The following ANKRD27 variants were observed in gnomAD, a reference collection of about 807,000 sequenced individuals.
The protein encoded by ANKRD27 is ankyrin repeat domain 27, also known as ankyrin repeat domain-containing protein 27.
In ANKRD27, 112 loss-of-function variants were observed where a neutral mutation model predicts 129.7. That is an observed-to-expected ratio of 0.86 (90% CI 0.74 to 1.01). ANKRD27 has a LOEUF of 1.01. ANKRD27 is among the 50% of genes least tolerant of loss of function. ANKRD27 has a pLI of 0.00. For missense variants in ANKRD27, 1,258 were observed against 1,300.5 expected (o/e 0.97, Z 0.50); for synonymous variants, 516 against 511.2 (o/e 1.01, Z -0.13).
chr19:32,637,244 G>C (rs1200095115), intron 12 of ANKRD27: 3 of 152,108 alleles, frequency 2.0e-5, no homozygotes, highest in Admixed American at 6.5e-5. Context: ...TGACAAAGAT[G>C]AATGTTCAAT....
chr19:32,663,803 T>C (rs1301202265), intron 1 of ANKRD27, among the ~76,000 whole-genome samples: 1 of 152,106 alleles, frequency 6.6e-6, no homozygotes, highest in Non-Finnish European at 1.5e-5. Flanking sequence ...ACGCCTGTAA[T>C]CCCAGCACTT....
chr19:32,652,778 A>T (rs914530365), intron 2 of ANKRD27, among the ~76,000 whole-genome samples: 5 of 151,996 alleles, frequency 3.3e-5, no homozygotes, highest in African/African-American at 1.2e-4. Context: ...AAATACAAAA[A>T]TTAGCCAGGC....
chr19:32,649,481 G>C (rs1056518203), intron 3 of ANKRD27, among the ~76,000 whole-genome samples: 6 of 152,114 alleles, frequency 3.9e-5, no homozygotes, highest in Admixed American at 3.9e-4. Context: ...CAAGACAGCA[G>C]CTGGGGTCCA....
chr19:32,612,428 G>A (rs1159262872), intron 22 of ANKRD27, among the ~76,000 whole-genome samples: 1 of 152,214 alleles, frequency 6.6e-6, no homozygotes, highest in Non-Finnish European at 1.5e-5. Flanking sequence ...GAGTGAGTAA[G>A]TTAGTAAGTA....
chr19:32,659,028 T>G lies in ANKRD27; in HGVS notation c.-13A>C, dbSNP rs757534749. The G allele has an allele frequency of 6.3e-7, 1 of 1,593,706 alleles. No individual in the cohort carries two copies. The highest frequency in any genetic ancestry group is 8.6e-7 in the Non-Finnish European group (1 of 1,161,548). ...CATACAGAGCCATATGGACTTCAGA[T>G]GGGTCAGAGCAAATCTCCTGCAATA... is the stretch of plus-strand genomic sequence containing the variant. On this transcript the variant is annotated 5_prime_UTR_variant, in exon 2 of 29. Coordinates refer to ENST00000306065, the MANE Select transcript of ANKRD27 (RefSeq NM_032139.3).
intron 24 of ANKRD27, 107 bp downstream of exon 24, chr19:32,605,728 T>C: frequency 6.8e-7 from 1 of 1,466,900 alleles, no homozygotes; most frequent in Non-Finnish European, 9.3e-7. Context: ...CTGGGGTTGA[T>C]GGGTGGCCGG....
In ANKRD27 at chr19:32,639,367, CAG is replaced by C. The variant is rs953453650; in HGVS notation, c.1103_1104del (p.Ser368CysfsTer2). The C allele has an allele frequency of 1.2e-6, 2 of 1,614,198 alleles. No individual in the cohort carries two copies. Among genetic ancestry groups the C allele is most frequent in the African/African-American group, 1.3e-5 (1 of 75,058 alleles). Reference protein sequence around the residue: ...AIEYIRQGSLSAKPPESEGFG... With the variant: ...AIEYIRQGSLXAKPPESEGFG... ...GGGTGAGATCTTACAGGGGGTTTAG[CAG>C]AGAGGCTTCCTTGCCGAATATATTC... is the stretch of plus-strand genomic sequence containing the variant. On this transcript the variant is annotated frameshift_variant, in exon 12 of 29. Coordinates refer to ENST00000306065, the MANE Select transcript of ANKRD27 (RefSeq NM_032139.3). LOFTEE classifies it high-confidence loss of function.
chr19:32,665,390 AG>A (rs1414462052), intron 1 of ANKRD27, among the ~76,000 whole-genome samples: 1 of 151,634 alleles, frequency 6.6e-6, no homozygotes, highest in Non-Finnish European at 1.5e-5. Context: ...CCCGGGTTCA[AG>A]CAATTCTCCT....
rs186259322 is a variant in ANKRD27, at chr19:32,622,302, T to G, written c.1827+120A>C. The G allele has an allele frequency of 7.1e-5, 75 of 1,052,012 alleles. No homozygotes were observed. In the East Asian group the frequency reaches 8.8e-4, roughly 12 times the overall value. The allele number at this position is 1,052,012 out of a possible 1,614,324, so 65.2% of individuals were successfully genotyped here. ...GACGTCCCACATGCGGCAGAAAGGG[T>G]GCAAGCCAAGTTCTGCCCTCAGGCA... On this transcript the variant is annotated intron_variant, in intron 18 of 28. Transcript: ENST00000306065.
rs567366972 is a variant in ANKRD27 at position 32,614,108 on chromosome 19, G to GTCC, written c.2175+1549_2175+1550insGGA. On this transcript the variant is annotated intron_variant, in intron 22 of 28. Transcript: ENST00000306065. ...GGCAGGGAGAGAGGTGGGTGTGGCT[G>GTCC]TAAGAGGGCAGTTTGAATGATTGGT... Among the ~76,000 whole-genome samples the GTCC allele has an allele frequency of 1.6e-3, 249 of 152,184 alleles. 2 individuals carry two copies. Among genetic ancestry groups the GTCC allele is most frequent in the Admixed American group, 0.015 (228 of 15,262 alleles).
At chr19:32,645,867 C>A (rs1179039841) in intron 4 of ANKRD27, among the ~76,000 whole-genome samples, 1 of 151,980 alleles carries the variant, frequency 6.6e-6, no homozygotes, top group Non-Finnish European at 1.5e-5. Context: ...AACTCCTGAC[C>A]TCAGGTAATC....
intron 18 of ANKRD27, 34 bp downstream of exon 18, chr19:32,622,388 A>C: frequency 1.2e-6 from 2 of 1,607,530 alleles, no homozygotes; most frequent in Non-Finnish European, 1.7e-6. Flanking sequence ...CTTCTTTCGA[A>C]GTCATCTTGC....
intron 12 of ANKRD27, among the ~76,000 whole-genome samples, chr19:32,633,043 C>T (rs1189601688): frequency 6.6e-6 from 1 of 152,200 alleles, no homozygotes; most frequent in Admixed American, 6.6e-5. Context: ...CAATTCACAG[C>T]TGAGGAGCTT....
chr19:32,658,126 C>T (rs1015700853), intron 2 of ANKRD27, among the ~76,000 whole-genome samples: 3 of 152,138 alleles, frequency 2.0e-5, no homozygotes, highest in East Asian at 3.8e-4. Context: ...AGTCGCCCCA[C>T]GGGATAAGAG....
At chr19:32,626,083 A>T in intron 16 of ANKRD27, 117 bp from the exon 17 acceptor site, 1 of 706,160 alleles carries the variant, frequency 1.4e-6, no homozygotes, top group South Asian at 2.3e-5. Context: ...TTATGCTACT[A>T]TTCAAATTAA....
intron 22 of ANKRD27, among the ~76,000 whole-genome samples, chr19:32,611,650 C>T (rs1034363472): frequency 3.3e-5 from 5 of 152,174 alleles, no homozygotes; most frequent in Admixed American, 2.0e-4. Flanking sequence ...GGCACGATCT[C>T]GGCTCACCGC....
intron 17 of ANKRD27, among the ~76,000 whole-genome samples, chr19:32,623,530 G>C (rs1020844058): frequency 6.6e-6 from 1 of 151,120 alleles, no homozygotes; most frequent in African/African-American, 2.4e-5. Flanking sequence ...TCCTGTGTGG[G>C]TCCATGAAAA....
chr19:32,625,824 G>T (rs1296595991), intron 17 of ANKRD27, 50 bp downstream of exon 17: 4 of 1,388,478 alleles, frequency 2.9e-6, no homozygotes, highest in South Asian at 1.4e-5. Context: ...ACTTCTCTAC[G>T]AGTGGGAAAG....
At chr19:32,623,166 T>C (rs1055825128) in intron 17 of ANKRD27, among the ~76,000 whole-genome samples, 27 of 138,510 alleles carry the variant, frequency 1.9e-4, no homozygotes, top group Admixed American at 8.5e-4. Flanking sequence ...GATGTCTCCA[T>C]GTACAGAACA....
Sources: allele counts gnomAD v4.1 joint callset (sites outside exome capture counted in the v4.1 genomes callset), GRCh38; gene constraint gnomAD v4.1.1; transcripts MANE v1.5; gene names NCBI Gene and HGNC (gene_info 2026-07-23, HGNC 2026-07-21).